The following LRP1B variants were observed in gnomAD, a reference collection of about 807,000 sequenced individuals.
LRP1B encodes the protein low-density lipoprotein receptor-related protein 1B.
A neutral mutation model predicts 556.6 loss-of-function variants in LRP1B; 217 were observed. That is an observed-to-expected ratio of 0.39 (90% CI 0.35 to 0.44). The LOEUF (loss-of-function observed/expected upper bound fraction) is 0.44. Ranked by LOEUF, LRP1B falls within the 20% of genes least tolerant of loss-of-function variation. LRP1B has a pLI of 1.00. For missense variants in LRP1B, 5,053 were observed against 5,620.8 expected (o/e 0.90, Z 3.23); for synonymous variants, 2,047 against 1,865.8 (o/e 1.10, Z -2.50).
At chr2:140,879,999 C>T (rs1372915430) in intron 25 of LRP1B, among the ~76,000 whole-genome samples, 3 of 149,950 alleles carry the variant, frequency 2.0e-5, no homozygotes, top group Non-Finnish European at 4.4e-5. Context: ...GTTCTAAAAC[C>T]AACAAAACCT....
intron 6 of LRP1B, among the ~76,000 whole-genome samples, chr2:141,196,716 T>G (rs1681767033): frequency 1.3e-5 from 2 of 152,068 alleles, no homozygotes; most frequent in East Asian, 1.9e-4. Context: ...TTCTAGTCAG[T>G]TTTTTATTGT....
chr2:141,631,208 G>T (rs1218369953), intron 2 of LRP1B, among the ~76,000 whole-genome samples: 2 of 151,984 alleles, frequency 1.3e-5, no homozygotes, highest in South Asian at 4.1e-4. Context: ...ATCAGATCTT[G>T]TGAGAACTCA....
chr2:141,676,503 C>G (rs1690886802), intron 2 of LRP1B, among the ~76,000 whole-genome samples: 1 of 152,122 alleles, frequency 6.6e-6, no homozygotes, highest in South Asian at 2.1e-4. Flanking sequence ...CTCACCATCT[C>G]AGAATACCTA....
chr2:140,355,624 G>C (rs938974308), intron 75 of LRP1B, among the ~76,000 whole-genome samples: 2 of 151,888 alleles, frequency 1.3e-5, no homozygotes, highest in Non-Finnish European at 2.9e-5. Flanking sequence ...TTAAAGACTT[G>C]AATTTAGCCT....
Position 140,359,548 on chromosome 2 carries a change from A to C in LRP1B, c.11132-602T>G, listed in dbSNP as rs1878743. Among the ~76,000 whole-genome samples the C allele has an allele frequency of 6.8e-3, 1,028 of 151,748 alleles. 9 individuals carry two copies. The highest frequency in any genetic ancestry group is 0.022 in the African/African-American group (903 of 41,474). On this transcript the variant is annotated intron_variant, in intron 72 of 90. Coordinates refer to ENST00000389484, the MANE Select transcript of LRP1B (RefSeq NM_018557.3). ...CAGGGAATTTTACATTTGTCTCCTT[A>C]TCACTATCTAATCTGAAGACTTCCA...
In LRP1B at chr2:141,927,613, G is replaced by A. The variant is rs114914498; in HGVS notation, c.83-117212C>T. On this transcript the variant is annotated intron_variant, in intron 1 of 90. Coordinates refer to ENST00000389484, the MANE Select transcript of LRP1B (RefSeq NM_018557.3). ...CTTTTCCAAGCTTCCATTTTTCTATGCTATCTTTCAATACATTTCTTCTTT... is the reference window on the plus strand; with the variant it reads ...CTTTTCCAAGCTTCCATTTTTCTATACTATCTTTCAATACATTTCTTCTTT... Among the ~76,000 whole-genome samples, 149 of 151,906 alleles carry A rather than the reference G, an allele frequency of 9.8e-4. 1 individual carries two copies. Among genetic ancestry groups the A allele is most frequent in the African/African-American group, 3.5e-3 (147 of 41,452 alleles).
rs1435316079 is a variant in LRP1B, at chr2:141,476,725, C to T, written c.343+3671G>A. Among the ~76,000 whole-genome samples the T allele has an allele frequency of 2.0e-5, 3 of 152,108 alleles. 1 individual carries two copies. Among genetic ancestry groups the T allele is most frequent in the East Asian group, 3.9e-4 (2 of 5,194 alleles). The stretch of plus-strand genomic sequence containing the variant: ...CAAAGCAATTCAGTTGATACAAAAA[C>T]ATTCCCAGGACCAGAACATCACCCC... On this transcript the variant is annotated intron_variant, in intron 3 of 90. Transcript: ENST00000389484.
At chr2:141,656,609 T>C (rs1690018698) in intron 2 of LRP1B, among the ~76,000 whole-genome samples, 1 of 152,200 alleles carries the variant, frequency 6.6e-6, no homozygotes, top group African/African-American at 2.4e-5. Flanking sequence ...AATTGCATTG[T>C]GTGCAAAGCA....
intron 23 of LRP1B, among the ~76,000 whole-genome samples, chr2:140,900,901 G>T (rs1204242992): frequency 6.6e-6 from 1 of 152,138 alleles, no homozygotes. Flanking sequence ...GAATATCCAG[G>T]ATTTCTGGAG....
intron 16 of LRP1B, among the ~76,000 whole-genome samples, chr2:140,993,346 T>C (rs1697146672): frequency 6.6e-6 from 1 of 152,084 alleles, no homozygotes; most frequent in Admixed American, 6.6e-5. Context: ...CATTATTTAA[T>C]GTACTTCCCC....
At chr2:140,513,479 A>G (rs1242485302) in intron 51 of LRP1B, among the ~76,000 whole-genome samples, 1 of 127,972 alleles carries the variant, frequency 7.8e-6, no homozygotes, top group Non-Finnish European at 1.7e-5. Context: ...ACAGACAGTC[A>G]TCTAATTGAT....
At chr2:141,682,900 T>C (rs1218947833) in intron 2 of LRP1B, among the ~76,000 whole-genome samples, 1 of 152,202 alleles carries the variant, frequency 6.6e-6, no homozygotes, top group Non-Finnish European at 1.5e-5. Context: ...TCCTCTGTTA[T>C]ATTTTGCAAA....
intron 41 of LRP1B, among the ~76,000 whole-genome samples, chr2:140,611,022 ATTG>A (rs1683053744): frequency 6.6e-6 from 1 of 152,150 alleles, no homozygotes; most frequent in East Asian, 1.9e-4. Flanking sequence ...ATATGTCAGC[ATTG>A]TTGTTATTAT....
At chr2:140,860,547 A>G (rs928694476) in intron 27 of LRP1B, among the ~76,000 whole-genome samples, 8 of 152,200 alleles carry the variant, frequency 5.3e-5, no homozygotes, top group Non-Finnish European at 1.2e-4. Flanking sequence ...CCTTTAAACC[A>G]AGTTCTGTTT....
At chr2:141,800,359 A>C (rs1039391435) in intron 2 of LRP1B, among the ~76,000 whole-genome samples, 2 of 152,206 alleles carry the variant, frequency 1.3e-5, no homozygotes, top group Non-Finnish European at 2.9e-5. Context: ...ACTTTAAGTA[A>C]ATTTCCTTTT....
intron 4 of LRP1B, among the ~76,000 whole-genome samples, chr2:141,251,498 T>A (rs139143980): frequency 6.6e-6 from 1 of 152,172 alleles, no homozygotes; most frequent in Non-Finnish European, 1.5e-5. Context: ...AGTTTTGTTT[T>A]TGTTTTCTTT....
chr2:140,885,356 CTTT>C (rs548264984), intron 24 of LRP1B, among the ~76,000 whole-genome samples: 4 of 138,922 alleles, frequency 2.9e-5, no homozygotes, highest in South Asian at 2.3e-4. Flanking sequence ...CAACGGCTTC[CTTT>C]TTTTTTTTTT....
intron 1 of LRP1B, among the ~76,000 whole-genome samples, chr2:142,059,873 C>T (rs1704838097): frequency 6.6e-6 from 1 of 152,064 alleles, no homozygotes; most frequent in Admixed American, 6.6e-5. Flanking sequence ...TTCTTGAAAT[C>T]ATCAAAATAT....
intron 2 of LRP1B, among the ~76,000 whole-genome samples, chr2:141,745,319 G>T (rs781362610): frequency 1.5e-4 from 23 of 152,156 alleles, no homozygotes; most frequent in Non-Finnish European, 2.8e-4. Flanking sequence ...AGGAGCCAGG[G>T]ACTGAAGTGA....
Sources: gnomAD v4.1 joint callset for allele counts (sites outside exome capture counted in the v4.1 genomes callset) on GRCh38, gnomAD v4.1.1 for gene constraint, MANE v1.5 for transcripts, NCBI Gene and HGNC (gene_info 2026-07-23, HGNC 2026-07-21) for gene names.